FGF12: variants seen among roughly 807,000 people sequenced by gnomAD.
FGF12 encodes fibroblast growth factor 12.
FGF12 carries 14 observed loss-of-function variants against 23.6 expected under a neutral mutation model. The observed-to-expected ratio is 0.59, with a 90% CI of 0.39 to 0.93. FGF12 has a LOEUF of 0.93. Ranked by LOEUF, FGF12 falls within the 40% of genes least tolerant of loss-of-function variation. FGF12 has a pLI of 0.00. For missense variants in FGF12, 175 were observed against 217.8 expected, an observed-to-expected ratio of 0.80 and a Z score of 1.24; for synonymous variants, 62 against 77.3, an observed-to-expected ratio of 0.80 and a Z score of 1.04.
chr3:192,384,808 C>G (rs981113461), intron 2 of FGF12, among the ~76,000 whole-genome samples: 1 of 152,142 alleles, frequency 6.6e-6, no homozygotes, highest in African/African-American at 2.4e-5. Flanking sequence ...AAGAATTGTA[C>G]AGGCACCATC....
intron 5 of FGF12, among the ~76,000 whole-genome samples, chr3:192,163,160 C>T (rs961281357): frequency 6.6e-6 from 1 of 152,166 alleles, no homozygotes; most frequent in Admixed American, 6.6e-5. Flanking sequence ...AGCCATTCTT[C>T]TGTTTCTTGA....
chr3:192,156,291 C>G (rs2108595355), intron 5 of FGF12, among the ~76,000 whole-genome samples: 1 of 152,264 alleles, frequency 6.6e-6, no homozygotes, highest in Middle Eastern at 3.4e-3. Flanking sequence ...AGTGGCACTT[C>G]TCATATGAAA....
chr3:192,187,962 G>A lies in FGF12; in HGVS notation c.229-17306C>T, dbSNP rs79278989. ...GATCTATGTATTAGGAAATGAGAAC[G>A]GAAAGACAAGTGAGGTTTAGAAAGT... is the stretch of plus-strand genomic sequence containing the variant. On this transcript the variant is annotated intron_variant, in intron 4 of 5. Transcript: ENST00000445105. Among the ~76,000 whole-genome samples the A allele has an allele frequency of 6.1e-3, 929 of 152,150 alleles. 6 individuals carry two copies. The highest frequency in any genetic ancestry group is 0.021 in the African/African-American group (872 of 41,496).
chr3:192,661,099 G>T, intron 2 of FGF12, among the ~76,000 whole-genome samples: 1 of 152,096 alleles, frequency 6.6e-6, no homozygotes, highest in East Asian at 1.9e-4. Context: ...GATAAGTGAT[G>T]AGATAAAAAG....
chr3:192,711,329 G>A (rs975023923), intron 2 of FGF12, among the ~76,000 whole-genome samples: 6 of 151,348 alleles, frequency 4.0e-5, no homozygotes, highest in Non-Finnish European at 7.4e-5. Flanking sequence ...TCCGGGAGGT[G>A]GGGGGCATCT....
chr3:192,596,139 T>TAATAC (rs1713841296), intron 2 of FGF12, among the ~76,000 whole-genome samples: 1 of 148,114 alleles, frequency 6.8e-6, no homozygotes. Flanking sequence ...TAATATAATA[T>TAATAC]AATATACTCT....
At chr3:192,147,241 C>G (rs143440767) in intron 5 of FGF12, among the ~76,000 whole-genome samples, 1 of 152,130 alleles carries the variant, frequency 6.6e-6, no homozygotes, top group African/African-American at 2.4e-5. Context: ...TTGTTATTTA[C>G]AGGACCTAGG....
intron 2 of FGF12, among the ~76,000 whole-genome samples, chr3:192,584,847 G>T (rs1158219355): frequency 3.3e-5 from 5 of 151,896 alleles, no homozygotes; most frequent in Non-Finnish European, 7.4e-5. Context: ...CTCTATTGAT[G>T]AATTACTGTA....
In FGF12 at chr3:192,727,440, T is replaced by A; in HGVS notation, c.-131+44A>T. The A allele has an allele frequency of 3.8e-6, 4 of 1,059,636 alleles. No individual in the cohort carries two copies. The South Asian group carries it at 5.0e-5, about 13-fold the overall frequency. The allele number at this position is 1,059,636 out of a possible 1,614,324, so 65.6% of individuals were successfully genotyped here. On this transcript the variant is annotated intron_variant, in intron 1 of 5. Coordinates refer to ENST00000445105, the MANE Select transcript of FGF12 (RefSeq NM_004113.6). Reference sequence around the variant, plus strand: ...TTGCGACGCGCATCTGATACTGAAATGCATGCACAGTGCCCGCTCAGATTT... The same window carrying A: ...TTGCGACGCGCATCTGATACTGAAAAGCATGCACAGTGCCCGCTCAGATTT...
intron 2 of FGF12, among the ~76,000 whole-genome samples, chr3:192,575,803 GT>G (rs57461080): frequency 0.2 from 29,922 of 151,668 alleles, 3,098 homozygotes; most frequent in Middle Eastern, 0.31. Flanking sequence ...AATCTGTAGG[GT>G]GTTGAGAAGC....
At chr3:192,714,844 T>C (rs2108742360) in intron 2 of FGF12, among the ~76,000 whole-genome samples, 1 of 152,310 alleles carries the variant, frequency 6.6e-6, no homozygotes, top group Middle Eastern at 3.4e-3. Flanking sequence ...AGCCTGACAC[T>C]TTTCGAAAGG....
At chr3:192,378,026 T>TTTTTTCTTTC (rs1719607199) in intron 2 of FGF12, among the ~76,000 whole-genome samples, 1 of 69,442 alleles carries the variant, frequency 1.4e-5, no homozygotes, top group Non-Finnish European at 2.7e-5. Flanking sequence ...TGACTCTTTC[T>TTTTTTCTTTC]TTTCTTTCTT....
At chr3:192,586,428 T>C (rs1173602755) in intron 2 of FGF12, among the ~76,000 whole-genome samples, 1 of 152,244 alleles carries the variant, frequency 6.6e-6, no homozygotes, top group South Asian at 2.1e-4. Flanking sequence ...CATTGGTTGT[T>C]ACCAATGATT....
chr3:192,377,406 C>T (rs1719568494), intron 2 of FGF12, among the ~76,000 whole-genome samples: 1 of 152,144 alleles, frequency 6.6e-6, no homozygotes, highest in East Asian at 1.9e-4. Flanking sequence ...AGAGATTTCC[C>T]CTTTTTGGTT....
At chr3:192,655,650 A>G (rs1716383325) in intron 2 of FGF12, among the ~76,000 whole-genome samples, 1 of 152,234 alleles carries the variant, frequency 6.6e-6, no homozygotes. Context: ...TAAGTAAAAT[A>G]AAGAGCTAGA....
chr3:192,653,720 CT>C (rs34906808), intron 2 of FGF12, among the ~76,000 whole-genome samples: 38 of 140,814 alleles, frequency 2.7e-4, no homozygotes, highest in South Asian at 4.4e-4. Flanking sequence ...TCATTTGAGG[CT>C]TTTTTTTTTT....
At chr3:192,309,505 A>G (rs897716314) in intron 4 of FGF12, among the ~76,000 whole-genome samples, 5 of 152,174 alleles carry the variant, frequency 3.3e-5, no homozygotes, top group African/African-American at 1.2e-4. Flanking sequence ...CAAGATGCTG[A>G]TAATTCATTT....
intron 4 of FGF12, among the ~76,000 whole-genome samples, chr3:192,246,627 C>T (rs1165961878): frequency 6.6e-6 from 1 of 151,886 alleles, no homozygotes; most frequent in African/African-American, 2.4e-5. Flanking sequence ...AGTTCTAGAC[C>T]AGCCTGGACA....
chr3:192,441,129 C>T (rs1020262659), intron 2 of FGF12, among the ~76,000 whole-genome samples: 4 of 152,168 alleles, frequency 2.6e-5, no homozygotes, highest in Admixed American at 1.3e-4. Context: ...TAACTAGCTA[C>T]GTAAAACTGG....
Sources: gnomAD v4.1 joint callset for allele counts (sites outside exome capture counted in the v4.1 genomes callset) on GRCh38, gnomAD v4.1.1 for gene constraint, MANE v1.5 for transcripts, NCBI Gene and HGNC (gene_info 2026-07-23, HGNC 2026-07-21) for gene names.